The following SGCZ variants were observed in gnomAD, a reference collection of about 807,000 sequenced individuals.
The protein encoded by SGCZ is sarcoglycan zeta.
Under a neutral mutation model 41.3 loss-of-function variants are expected in SGCZ, and 40 were observed. That is an observed-to-expected ratio of 0.97 (90% CI 0.75 to 1.26). The LOEUF is 1.26. Among genes scored for constraint, SGCZ ranks in the 50% most tolerant of loss-of-function variants. The probability of loss-of-function intolerance (pLI) is 0.00; values close to 1 mark genes in which losing one functional copy is unlikely to be tolerated. For synonymous variants in SGCZ, 206 were observed against 137.5 expected (o/e 1.50, Z -3.49); for missense variants, 552 against 369.8 (o/e 1.49, Z -4.04).
At chr8:14,201,455 A>C (rs1382876633) in intron 4 of SGCZ, among the ~76,000 whole-genome samples, 1 of 152,224 alleles carries the variant, frequency 6.6e-6, no homozygotes, top group Non-Finnish European at 1.5e-5. Flanking sequence ...ATAAAAAGGA[A>C]CAAAATTGTT....
intron 1 of SGCZ, among the ~76,000 whole-genome samples, chr8:15,155,330 A>G (rs577521165): frequency 6.6e-6 from 1 of 152,290 alleles, no homozygotes; most frequent in East Asian, 1.9e-4. Context: ...CAGGTAATTA[A>G]TATGCTATCA....
At chr8:14,711,736 T>A (rs939510011) in intron 1 of SGCZ, among the ~76,000 whole-genome samples, 7 of 152,184 alleles carry the variant, frequency 4.6e-5, no homozygotes, top group Non-Finnish European at 1.0e-4. Context: ...TGTGCTGACT[T>A]CATGTACTAA....
intron 1 of SGCZ, among the ~76,000 whole-genome samples, chr8:15,109,183 T>C (rs1806948875): frequency 6.6e-6 from 1 of 152,186 alleles, no homozygotes; most frequent in Non-Finnish European, 1.5e-5. Context: ...TGGAGATCAT[T>C]CTGCAGAAAC....
intron 3 of SGCZ, chr8:14,309,606 G>T: frequency 6.2e-7 from 1 of 1,610,826 alleles, no homozygotes; most frequent in Non-Finnish European, 8.5e-7. Flanking sequence ...GATAGTGACT[G>T]GTTATCAGTC....
chr8:14,658,569 C>T (rs994786275), intron 1 of SGCZ, among the ~76,000 whole-genome samples: 7 of 152,110 alleles, frequency 4.6e-5, no homozygotes, highest in Non-Finnish European at 7.4e-5. Flanking sequence ...TTTGGTTCGC[C>T]CACTCCTTAA....
chr8:14,411,988 C>G lies in SGCZ; in HGVS notation c.235-87784G>C, dbSNP rs574960533. On this transcript the variant is annotated intron_variant, in intron 2 of 7. Transcript: ENST00000382080. ...GAGTATACTGAGTAAAAATACACTG[C>G]TCTCTTCTTAAATGCAAGGGCGTGC... Among the ~76,000 whole-genome samples the G allele has an allele frequency of 1.8e-3, 279 of 152,168 alleles. 2 individuals carry two copies. The highest frequency in any genetic ancestry group is 6.3e-3 in the African/African-American group (260 of 41,534).
intron 2 of SGCZ, among the ~76,000 whole-genome samples, chr8:14,327,716 C>T (rs527461260): frequency 6.6e-6 from 1 of 152,286 alleles, no homozygotes; most frequent in South Asian, 2.1e-4. Flanking sequence ...TATATGATTT[C>T]AGATATACCA....
At chr8:14,668,462 G>T (rs1807987661) in intron 1 of SGCZ, among the ~76,000 whole-genome samples, 1 of 152,124 alleles carries the variant, frequency 6.6e-6, no homozygotes, top group Admixed American at 6.5e-5. Context: ...GCATGATAAA[G>T]TGGTCTGATG....
intron 1 of SGCZ, among the ~76,000 whole-genome samples, chr8:14,561,346 C>A (rs1433476876): frequency 6.6e-6 from 1 of 152,120 alleles, no homozygotes; most frequent in Admixed American, 6.5e-5. Flanking sequence ...GCTGCAATTG[C>A]AGAGGTACTG....
intron 4 of SGCZ, 101 bp from the exon 5 acceptor site, chr8:14,164,803 G>T: frequency 7.4e-7 from 1 of 1,352,506 alleles, no homozygotes; most frequent in Non-Finnish European, 1.0e-6. Flanking sequence ...TATTTAATTT[G>T]TTTATCTCTG....
At chr8:15,176,797 C>A (rs1312306329) in intron 1 of SGCZ, among the ~76,000 whole-genome samples, 6 of 152,112 alleles carry the variant, frequency 3.9e-5, no homozygotes, top group African/African-American at 1.4e-4. Flanking sequence ...GTCAGGAGAT[C>A]GAGACCATCC....
chr8:14,367,032 AG>A (rs1803732970), intron 2 of SGCZ, among the ~76,000 whole-genome samples: 1 of 152,046 alleles, frequency 6.6e-6, no homozygotes, highest in Non-Finnish European at 1.5e-5. Context: ...CTGCATTGTC[AG>A]GCTGCATATT....
chr8:14,465,369 T>C (rs1259173413), intron 2 of SGCZ, among the ~76,000 whole-genome samples: 1 of 151,762 alleles, frequency 6.6e-6, no homozygotes, highest in African/African-American at 2.4e-5. Context: ...CTGATATTAG[T>C]TTAACTATCC....
chr8:15,168,696 T>C (rs535720492), intron 1 of SGCZ, among the ~76,000 whole-genome samples: 3 of 152,220 alleles, frequency 2.0e-5, no homozygotes, highest in Non-Finnish European at 4.4e-5. Flanking sequence ...CCATTTCGAA[T>C]GCATCCTGAA....
At chr8:14,393,623 C>G (rs1210490606) in intron 2 of SGCZ, among the ~76,000 whole-genome samples, 3 of 152,054 alleles carry the variant, frequency 2.0e-5, no homozygotes, top group Non-Finnish European at 2.9e-5. Flanking sequence ...CACTGAGAGA[C>G]CTTTTTCTCC....
chr8:14,309,333 A>G, intron 3 of SGCZ: 1 of 1,601,336 alleles, frequency 6.2e-7, no homozygotes, highest in Non-Finnish European at 8.5e-7. Flanking sequence ...TGGGAAGATG[A>G]GAAAAACAAA....
intron 5 of SGCZ, among the ~76,000 whole-genome samples, chr8:14,140,156 T>A (rs539854484): frequency 1.3e-5 from 2 of 152,328 alleles, no homozygotes; most frequent in South Asian, 2.1e-4. Flanking sequence ...AAACTAGGTA[T>A]TGATGGAACG....
At chr8:15,125,981 A>C (rs1327051190) in intron 1 of SGCZ, among the ~76,000 whole-genome samples, 1 of 152,146 alleles carries the variant, frequency 6.6e-6, no homozygotes, top group Non-Finnish European at 1.5e-5. Flanking sequence ...CCCCGTCTCC[A>C]CTAAAAATAC....
chr8:14,139,779 C>T (rs1026002872), intron 5 of SGCZ, among the ~76,000 whole-genome samples: 1 of 152,158 alleles, frequency 6.6e-6, no homozygotes, highest in African/African-American at 2.4e-5. Flanking sequence ...GGTACCATTC[C>T]TTCTGAAACT....
Sources: allele counts gnomAD v4.1 joint callset (sites outside exome capture counted in the v4.1 genomes callset), GRCh38; gene constraint gnomAD v4.1.1; transcripts MANE v1.5; gene names NCBI Gene and HGNC (gene_info 2026-07-23, HGNC 2026-07-21).